MROH7: variants seen among roughly 807,000 people sequenced by gnomAD.
MROH7 encodes maestro heat like repeat family member 7, also known as maestro heat-like repeat-containing protein family member 7.
A neutral mutation model predicts 129.2 loss-of-function variants in MROH7; 113 were observed. The ratio of observed to expected loss-of-function variants is 0.87; its 90% confidence interval spans 0.75 to 1.02. The LOEUF (loss-of-function observed/expected upper bound fraction) is 1.02, where lower values mean the gene tolerates loss of function less well. Ranked by LOEUF, MROH7 falls within the 50% of genes least tolerant of loss-of-function variation. The pLI is 0.00. For synonymous variants in MROH7, 655 were observed against 667.9 expected (o/e 0.98, Z 0.30); for missense variants, 1,601 against 1,671.3 (o/e 0.96, Z 0.73).
intron 10 of MROH7, among the ~76,000 whole-genome samples, chr1:54,677,872 C>T (rs993120752): frequency 3.9e-5 from 6 of 152,162 alleles, no homozygotes; most frequent in Non-Finnish European, 8.8e-5. Flanking sequence ...AGAGTACCTT[C>T]TCGTTGTCGG....
chr1:54,663,933 C>A, intron 3 of MROH7: 2 of 325,534 alleles, frequency 6.1e-6, no homozygotes, highest in Non-Finnish European at 1.2e-5. Context: ...CTCTGGTGAT[C>A]GAGAATCTGA....
Position 54,673,778 on chromosome 1 carries a change from C to T in MROH7, c.1773C>T (p.Asn591=). 6.2e-7 allele frequency: 1 copy of T among 1,614,056 alleles called. No homozygotes were observed. The highest frequency in any genetic ancestry group is 8.5e-7 in the Non-Finnish European group (1 of 1,179,918). ...RAVNTNVSVL[N]HMLLTLPFFM... ...TGAACACCAATGTCTCTGTGTTGAA[C>T]CACATGCTTCTAACTCTGCCTTTCT... is the stretch of plus-strand genomic sequence containing the variant. Residue 591 remains asparagine, a synonymous_variant, in exon 9 of 24, where the codon AAC becomes AAT. Transcript: ENST00000421030.
intron 21 of MROH7, among the ~76,000 whole-genome samples, chr1:54,705,247 A>G (rs1004617006): frequency 1.3e-5 from 2 of 152,178 alleles, no homozygotes; most frequent in Non-Finnish European, 2.9e-5. Context: ...GCTCATTTAA[A>G]GGTCAACCTC....
intron 18 of MROH7, 80 bp from the exon 19 acceptor site, chr1:54,701,063 T>C: frequency 6.7e-7 from 1 of 1,491,822 alleles, no homozygotes; most frequent in Non-Finnish European, 9.2e-7. Context: ...CCAAGTTCAT[T>C]TCAGTGAATC....
intron 10 of MROH7, among the ~76,000 whole-genome samples, chr1:54,674,486 C>T (rs1644951887): frequency 6.6e-6 from 1 of 152,106 alleles, no homozygotes. Flanking sequence ...TCTGTTTTCC[C>T]CACTAGAGAC....
chr1:54,655,006 G>A (rs1027625371), intron 3 of MROH7, among the ~76,000 whole-genome samples: 10 of 149,874 alleles, frequency 6.7e-5, no homozygotes, highest in Admixed American at 5.4e-4. Context: ...CATATCTGAT[G>A]AGAATCCTAT....
In MROH7 at chr1:54,686,306, C is replaced by G. The variant is rs375083581; in HGVS notation, c.2569C>G (p.Arg857Gly). Residue 857 changes from arginine to glycine, a missense_variant, in exon 15 of 24, where the codon CGT becomes GGT. By Grantham distance (125) the Arg-to-Gly change is moderately radical (BLOSUM62 -2). Coordinates refer to ENST00000421030, the MANE Select transcript of MROH7 (RefSeq NM_001039464.4). ...CCTGTCCGTCAACAGCTGCATGGGC[C>G]GTGTGAGGCGCATCTACCCTCAGCT... Reference protein sequence around the residue: ...ELLSVNSCMGRVRRIYPQLLL... With the variant: ...ELLSVNSCMGGVRRIYPQLLL... The G allele has an allele frequency of 1.9e-6, 3 of 1,613,972 alleles. No individual in the cohort carries two copies. The highest frequency in any genetic ancestry group is 1.6e-4 in the Middle Eastern group (1 of 6,082).
At chr1:54,656,019 G>A (rs1310151863) in intron 3 of MROH7, among the ~76,000 whole-genome samples, 12 of 149,254 alleles carry the variant, frequency 8.0e-5, no homozygotes, top group Non-Finnish European at 1.6e-4. Flanking sequence ...TCAGCCTCCC[G>A]AGTAGCTGGG....
chr1:54,657,399 G>A (rs540835110), intron 3 of MROH7, among the ~76,000 whole-genome samples: 119 of 151,964 alleles, frequency 7.8e-4, no homozygotes, highest in Non-Finnish European at 1.4e-3. Flanking sequence ...ATTTTTTAGG[G>A]TCAGGGTCTC....
At position 54,665,253 on chromosome 1, in the gene MROH7, C is replaced by G; in HGVS notation, c.1305+13C>G. The G allele has an allele frequency of 6.2e-7, 1 of 1,610,146 alleles. No homozygotes were observed. The highest frequency in any genetic ancestry group is 1.1e-5 in the South Asian group (1 of 90,970). Reference sequence around the variant, plus strand: ...CAACATGGCTCTGGTATGCCTCCTGCCCAACCCCTAGCTGACTGTGCTGGG... The same window carrying G: ...CAACATGGCTCTGGTATGCCTCCTGGCCAACCCCTAGCTGACTGTGCTGGG... On this transcript the variant is annotated intron_variant, in intron 4 of 23. Transcript: ENST00000421030.
chr1:54,687,860 C>G (rs1645172575), intron 15 of MROH7, among the ~76,000 whole-genome samples: 1 of 143,858 alleles, frequency 7.0e-6, no homozygotes, highest in Admixed American at 7.3e-5. Context: ...ATTGAGTTTG[C>G]TTTTTTTCTT....
In MROH7 at chr1:54,691,112, GA is replaced by G. The variant is rs1645231017; in HGVS notation, c.2712-1310del. Among the ~76,000 whole-genome samples the G allele has an allele frequency of 2.6e-5, 4 of 152,222 alleles. 1 individual carries two copies. In the South Asian group the frequency reaches 8.3e-4, roughly 32 times the overall value. On this transcript the variant is annotated intron_variant, in intron 15 of 23. Transcript: ENST00000421030. ...CAAAGGGAAGAGAATGGTGATGGGAGAATTGGACAACACTCTGAGCCTGCCT... is the reference window on the plus strand; with the variant it reads ...CAAAGGGAAGAGAATGGTGATGGGAGATTGGACAACACTCTGAGCCTGCCT...
chr1:54,664,628 T>C (rs686636), intron 3 of MROH7, among the ~76,000 whole-genome samples: 123,675 of 152,266 alleles, frequency 0.81, 50,633 homozygotes, highest in East Asian at 1. Flanking sequence ...GCATTGAGGG[T>C]CTTGGCAAGG....
Position 54,663,701 on chromosome 1 carries a change from A to C in MROH7, c.1232-1466A>C, listed in dbSNP as rs553548539. The C allele has an allele frequency of 1.3e-3, 471 of 374,286 alleles. 1 individual carries two copies. Among genetic ancestry groups the C allele is most frequent in the African/African-American group, 9.6e-3 (420 of 43,896 alleles). The allele number at this position is 374,286 out of a possible 1,614,324, so 23.2% of individuals were successfully genotyped here. A position where few individuals can be genotyped will look rare whatever the true frequency, so the allele number is the denominator to read the frequency against. On this transcript the variant is annotated intron_variant, in intron 3 of 23. Coordinates refer to ENST00000421030, the MANE Select transcript of MROH7 (RefSeq NM_001039464.4). ...CATCAGCTCTAAAAAAAAAAAAAAA[A>C]CAAAAAAAAAACAAGCTTTTGTGTC... is the stretch of plus-strand genomic sequence containing the variant.
At chr1:54,644,818 T>TC (rs1439702591) in intron 1 of MROH7, among the ~76,000 whole-genome samples, 3 of 146,838 alleles carry the variant, frequency 2.0e-5, no homozygotes, top group African/African-American at 7.8e-5. Context: ...TTTTTTTTTT[T>TC]CTGAGATGGA....
intron 3 of MROH7, among the ~76,000 whole-genome samples, chr1:54,661,741 G>A (rs905017598): frequency 4.0e-5 from 6 of 151,612 alleles, no homozygotes; most frequent in Non-Finnish European, 7.4e-5. Context: ...GATTACAGGC[G>A]CCCGCCACCA....
chr1:54,647,387 G>T (rs1644483128), intron 1 of MROH7, among the ~76,000 whole-genome samples: 1 of 151,814 alleles, frequency 6.6e-6, no homozygotes, highest in African/African-American at 2.4e-5. Flanking sequence ...GAGGCAGGAG[G>T]ATCACTTGAG....
chr1:54,660,127 A>G (rs1006095884), intron 3 of MROH7, among the ~76,000 whole-genome samples: 5 of 152,218 alleles, frequency 3.3e-5, no homozygotes, highest in African/African-American at 1.2e-4. Context: ...CCTGAGACTG[A>G]GTAATTTATA....
chr1:54,694,066 G>T (rs1645282010), intron 16 of MROH7, among the ~76,000 whole-genome samples: 2 of 152,168 alleles, frequency 1.3e-5, no homozygotes, highest in Admixed American at 1.3e-4. Flanking sequence ...GTTTTTAGTA[G>T]AGACGGAGTT....
Sources: gnomAD v4.1 joint callset for allele counts (sites outside exome capture counted in the v4.1 genomes callset) on GRCh38, gnomAD v4.1.1 for gene constraint, MANE v1.5 for transcripts, NCBI Gene and HGNC (gene_info 2026-07-23, HGNC 2026-07-21) for gene names.